PRKN: variants seen among roughly 807,000 people sequenced by gnomAD.
PRKN encodes parkin RBR E3 ubiquitin protein ligase, also known as E3 ubiquitin-protein ligase parkin.
A neutral mutation model predicts 59.5 loss-of-function variants in PRKN; 56 were observed. The observed-to-expected ratio is 0.94, with a 90% CI of 0.76 to 1.18. The LOEUF is 1.18. Among genes scored for constraint, PRKN ranks in the 50% most tolerant of loss-of-function variants. The probability of loss-of-function intolerance (pLI) is 0.00; values close to 1 mark genes in which losing one functional copy is unlikely to be tolerated. For missense variants in PRKN, 657 were observed against 596.4 expected, an observed-to-expected ratio of 1.10 and a Z score of -1.06; for synonymous variants, 250 against 222.1, an observed-to-expected ratio of 1.13 and a Z score of -1.12.
chr6:162,634,922 T>TA (rs1308657615), intron 1 of PRKN, among the ~76,000 whole-genome samples: 3 of 152,176 alleles, frequency 2.0e-5, no homozygotes, highest in Non-Finnish European at 4.4e-5. Flanking sequence ...TAAACATTCT[T>TA]AGACTCCAGT....
rs1777764890 is a variant in PRKN at position 162,054,177 on chromosome 6, T to C, written c.535-3A>G. The C allele has an allele frequency of 1.2e-6, 2 of 1,604,132 alleles. No homozygotes were observed. Among genetic ancestry groups the C allele is most frequent in the East Asian group, 4.5e-5 (2 of 44,808 alleles). On this transcript the variant is annotated splice_region_variant and splice_polypyrimidine_tract_variant and intron_variant, in intron 4 of 11. Coordinates refer to ENST00000366898, the MANE Select transcript of PRKN (RefSeq NM_004562.3). ...ACATCATCCCAGCAAGATGGACCCT[T>C]TGGGAAAAAACAACAATATATGCTT...
intron 3 of PRKN, among the ~76,000 whole-genome samples, chr6:162,212,768 A>G (rs1785261705): frequency 6.6e-6 from 1 of 152,208 alleles, no homozygotes; most frequent in Non-Finnish European, 1.5e-5. Flanking sequence ...GCTGGGCCCT[A>G]TGGTACAGCC....
At position 161,419,455 on chromosome 6, in the gene PRKN, T is replaced by G. The variant is rs1389034856; in HGVS notation, c.1084-32578A>C. Among the ~76,000 whole-genome samples, 1 of 152,196 alleles carries G rather than the reference T, an allele frequency of 6.6e-6. No individual in the cohort carries two copies. The highest frequency in any genetic ancestry group is 1.5e-5 in the Non-Finnish European group (1 of 68,018). On this transcript the variant is annotated intron_variant, in intron 9 of 11. Transcript: ENST00000366898. The surrounding 1 kb of genome is among the most constrained non-coding windows in gnomAD (Gnocchi z 4.1). ...CAGGCTGGAGTGCAGTGGTGCCATC[T>G]TGGCTCACTGCAACCTCCACCTCCT...
chr6:161,572,559 C>T (rs868433790), intron 7 of PRKN, among the ~76,000 whole-genome samples: 1 of 152,090 alleles, frequency 6.6e-6, no homozygotes, highest in South Asian at 2.1e-4. Flanking sequence ...ACTTGTGAGG[C>T]TGAGGCAGGA....
At position 162,016,155 on chromosome 6, in the gene PRKN, A is replaced by AT. The variant is rs71711899; in HGVS notation, c.618+37935_618+37936insA. Among the ~76,000 whole-genome samples the AT allele has an allele frequency of 1.1e-3, 164 of 151,224 alleles. 1 individual carries two copies. The East Asian group carries it at 0.018, about 16-fold the overall frequency. ...CTAATTCTTGTTTAAAATAATAATA[A>AT]AAAAAAACTGAATCCATAGCAAAGG... On this transcript the variant is annotated intron_variant, in intron 5 of 11. Transcript: ENST00000366898.
At chr6:162,328,005 C>T (rs1010788377) in intron 2 of PRKN, among the ~76,000 whole-genome samples, 2 of 152,060 alleles carry the variant, frequency 1.3e-5, no homozygotes, top group African/African-American at 2.4e-5. Context: ...GCAGGGCAAG[C>T]GACGCTGGCC....
chr6:162,567,033 C>T (rs908788338), intron 1 of PRKN, among the ~76,000 whole-genome samples: 1 of 152,114 alleles, frequency 6.6e-6, no homozygotes, highest in East Asian at 1.9e-4. Context: ...TCAATTGATG[C>T]TGAAAAAGCA....
chr6:161,418,012 G>A (rs1442057210), intron 9 of PRKN, among the ~76,000 whole-genome samples: 2 of 152,180 alleles, frequency 1.3e-5, no homozygotes, highest in East Asian at 1.9e-4. Flanking sequence ...TCCATGGGGG[G>A]CCTGGCAGTA....
At chr6:162,295,597 T>C (rs1156529212) in intron 2 of PRKN, among the ~76,000 whole-genome samples, 1 of 152,108 alleles carries the variant, frequency 6.6e-6, no homozygotes, top group Non-Finnish European at 1.5e-5. Context: ...TTCAGCAAAA[T>C]TCAAAGTATA....
In PRKN at chr6:161,390,757, G is replaced by T. The variant is rs1204426193; in HGVS notation, c.1084-3880C>A. On this transcript the variant is annotated intron_variant, in intron 9 of 11. Transcript: ENST00000366898. This position sits in a 1 kb window ranked among gnomAD's most constrained non-coding sequence, Gnocchi z 7.0. ...ACCCGCCTCGGCCTCCCAAAGTGCT[G>T]GGATTACAGGCATGAGCCACCGTGC... Among the ~76,000 whole-genome samples, 1 of 152,112 alleles carries T rather than the reference G, an allele frequency of 6.6e-6. No homozygotes were observed. Among genetic ancestry groups the T allele is most frequent in the African/African-American group, 2.4e-5 (1 of 41,380 alleles).
At chr6:161,968,187 A>ATTTTTTTTTTTTTTTTTTT (rs530441181) in intron 6 of PRKN, among the ~76,000 whole-genome samples, 1 of 128,000 alleles carries the variant, frequency 7.8e-6, no homozygotes, top group Non-Finnish European at 1.6e-5. Flanking sequence ...TGCCTGGCTA[A>ATTTTTTTTTTTTTTTTTTT]TTTTTTTTTT....
intron 5 of PRKN, among the ~76,000 whole-genome samples, chr6:162,035,541 T>C (rs1424773866): frequency 6.6e-6 from 1 of 152,202 alleles, no homozygotes; most frequent in Non-Finnish European, 1.5e-5. Context: ...GTCCATCTGA[T>C]TTATTTTCAA....
chr6:161,535,105 G>A (rs143256228), intron 9 of PRKN, among the ~76,000 whole-genome samples: 1 of 152,192 alleles, frequency 6.6e-6, no homozygotes, highest in Non-Finnish European at 1.5e-5. Context: ...AGGTGTAAAT[G>A]TCAATCGAAC....
intron 5 of PRKN, among the ~76,000 whole-genome samples, chr6:161,981,432 C>T (rs1373035259): frequency 6.6e-6 from 1 of 152,088 alleles, no homozygotes; most frequent in Non-Finnish European, 1.5e-5. Flanking sequence ...ATTGTCCCAG[C>T]TATTTGGGAG....
At position 161,349,082 on chromosome 6, in the gene PRKN, C is replaced by T. The variant is rs1013519628; in HGVS notation, c.*1017G>A. The T allele has an allele frequency of 3.2e-5, 7 of 220,882 alleles. No individual in the cohort carries two copies. The South Asian group carries it at 9.2e-4, about 29-fold the overall frequency. The allele number at this position is 220,882 out of a possible 1,614,324, so 13.7% of individuals were successfully genotyped here. A position where few individuals can be genotyped will look rare whatever the true frequency, so the allele number is the denominator to read the frequency against. ...AACCCTTCTGATGGAGAGAGTCGGG[C>T]GTGTCTTCATTTTGGTAGTTCTGGA... is the stretch of plus-strand genomic sequence containing the variant. On this transcript the variant is annotated 3_prime_UTR_variant, in exon 12 of 12. Coordinates refer to ENST00000366898, the MANE Select transcript of PRKN (RefSeq NM_004562.3). The surrounding 1 kb of genome is among the most constrained non-coding windows in gnomAD (Gnocchi z 5.5).
chr6:162,432,864 T>G (rs2128163806), intron 2 of PRKN, among the ~76,000 whole-genome samples: 1 of 152,318 alleles, frequency 6.6e-6, no homozygotes, highest in East Asian at 1.9e-4. Context: ...TAAGTACTCC[T>G]GCAAAATTGC....
intron 4 of PRKN, among the ~76,000 whole-genome samples, chr6:162,156,714 C>T (rs997173027): frequency 5.3e-5 from 8 of 152,260 alleles, no homozygotes; most frequent in Non-Finnish European, 1.0e-4. Context: ...CTTTTGGCAA[C>T]CCCCTCACAG....
At chr6:162,071,690 G>A (rs761679614) in intron 4 of PRKN, among the ~76,000 whole-genome samples, 4 of 151,766 alleles carry the variant, frequency 2.6e-5, no homozygotes, top group African/African-American at 7.3e-5. Flanking sequence ...TCTGCCTGCC[G>A]GGTTCAAGTG....
At chr6:162,109,095 G>A (rs140389137) in intron 4 of PRKN, among the ~76,000 whole-genome samples, 26 of 152,250 alleles carry the variant, frequency 1.7e-4, no homozygotes, top group African/African-American at 6.0e-4. Flanking sequence ...GGGTCACCAA[G>A]TTGTTGTCGT....
Sources: allele counts gnomAD v4.1 joint callset (sites outside exome capture counted in the v4.1 genomes callset), GRCh38; gene constraint gnomAD v4.1.1; non-coding constraint Gnocchi (gnomAD v3.1); transcripts MANE v1.5; gene names NCBI Gene and HGNC (gene_info 2026-07-23, HGNC 2026-07-21).